XYLT1: variants seen among roughly 807,000 people sequenced by gnomAD.
XYLT1 encodes beta-D-xylosyltransferase 1.
In XYLT1, 36 loss-of-function variants were observed where a neutral mutation model predicts 91.3. The ratio of observed to expected loss-of-function variants is 0.39; its 90% confidence interval spans 0.30 to 0.52. The LOEUF (loss-of-function observed/expected upper bound fraction) is 0.52. XYLT1 is among the 20% of genes least tolerant of loss of function. XYLT1 has a pLI of 0.68. For missense variants in XYLT1, 1,242 were observed against 1,284.5 expected (o/e 0.97, Z 0.51); for synonymous variants, 588 against 532.0 (o/e 1.11, Z -1.45).
intron 3 of XYLT1, among the ~76,000 whole-genome samples, chr16:17,228,887 T>G (rs1197820857): frequency 6.6e-6 from 1 of 152,186 alleles, no homozygotes; most frequent in Non-Finnish European, 1.5e-5. Context: ...GAGAAAACTG[T>G]GACTCAGAGA....
intron 3 of XYLT1, among the ~76,000 whole-genome samples, chr16:17,232,184 ACT>A (rs1323341078): frequency 2.1e-5 from 3 of 144,082 alleles, no homozygotes; most frequent in South Asian, 4.2e-4. Flanking sequence ...TACAATATAT[ACT>A]ATATATAAAA....
chr16:17,182,846 A>G (rs1251325742), intron 5 of XYLT1, among the ~76,000 whole-genome samples: 2 of 152,172 alleles, frequency 1.3e-5, no homozygotes, highest in Non-Finnish European at 2.9e-5. Flanking sequence ...ACAGGATTAC[A>G]AAGGAATTTG....
At chr16:17,200,103 C>T (rs1394548979) in intron 4 of XYLT1, among the ~76,000 whole-genome samples, 1 of 151,964 alleles carries the variant, frequency 6.6e-6, no homozygotes, top group African/African-American at 2.4e-5. Flanking sequence ...CACCTGTAGT[C>T]CCAGCTACTT....
At chr16:17,113,958 C>G (rs1157351944) in intron 11 of XYLT1, among the ~76,000 whole-genome samples, 1 of 151,392 alleles carries the variant, frequency 6.6e-6, no homozygotes, top group Non-Finnish European at 1.5e-5. Flanking sequence ...GTGGTGCACC[C>G]CAATGCCATG....
At chr16:17,447,460 C>T (rs983526817) in intron 1 of XYLT1, among the ~76,000 whole-genome samples, 2 of 152,236 alleles carry the variant, frequency 1.3e-5, no homozygotes, top group Non-Finnish European at 2.9e-5. Context: ...ACGCTTTAAG[C>T]TCCGAAAACA....
At chr16:17,406,373 G>A (rs2036032895) in intron 1 of XYLT1, among the ~76,000 whole-genome samples, 2 of 152,168 alleles carry the variant, frequency 1.3e-5, no homozygotes, top group African/African-American at 4.8e-5. Flanking sequence ...ATAATGAACA[G>A]CTGTGTGACT....
rs1168475638 is a variant in XYLT1, at chr16:17,312,419, G to A, written c.402+45593C>T. On this transcript the variant is annotated intron_variant, in intron 2 of 11. Transcript: ENST00000261381. This position sits in a 1 kb window ranked among gnomAD's most constrained non-coding sequence, Gnocchi z 4.4. ...TTCCTGTAGCGCTTACCATGTATGGGGTCTTGTCTCAGGGCCTTACCCGCA... is the reference window on the plus strand; with the variant it reads ...TTCCTGTAGCGCTTACCATGTATGGAGTCTTGTCTCAGGGCCTTACCCGCA... Among the ~76,000 whole-genome samples, 1 of 151,986 alleles carries A rather than the reference G, an allele frequency of 6.6e-6. No homozygotes were observed. The highest frequency in any genetic ancestry group is 6.6e-5 in the Admixed American group (1 of 15,266).
At chr16:17,375,585 G>C (rs976105215) in intron 1 of XYLT1, among the ~76,000 whole-genome samples, 3 of 152,100 alleles carry the variant, frequency 2.0e-5, no homozygotes, top group African/African-American at 7.2e-5. Context: ...GCTAGTGGCT[G>C]CTGATTTACA....
chr16:17,231,543 C>T (rs1422601305), intron 3 of XYLT1, among the ~76,000 whole-genome samples: 1 of 152,176 alleles, frequency 6.6e-6, no homozygotes, highest in East Asian at 1.9e-4. Flanking sequence ...CGATGGGATA[C>T]ATTCCGAGGA....
intron 5 of XYLT1, among the ~76,000 whole-genome samples, chr16:17,171,566 G>A (rs1380629447): frequency 6.6e-6 from 1 of 152,220 alleles, no homozygotes; most frequent in Non-Finnish European, 1.5e-5. Context: ...GGGCTGATGA[G>A]AAATTTCAAA....
chr16:17,144,495 G>T (rs1204917844), intron 6 of XYLT1, among the ~76,000 whole-genome samples: 1 of 152,200 alleles, frequency 6.6e-6, no homozygotes, highest in African/African-American at 2.4e-5. Flanking sequence ...CTTGGTTGGT[G>T]GTCAGGGATG....
At chr16:17,296,062 C>T (rs187759092) in intron 2 of XYLT1, among the ~76,000 whole-genome samples, 104 of 149,560 alleles carry the variant, frequency 7.0e-4, no homozygotes, top group Non-Finnish European at 8.3e-4. Context: ...TTTCTCCCTG[C>T]GCCAAAAGCA....
chr16:17,401,650 C>T (rs893725187), intron 1 of XYLT1, among the ~76,000 whole-genome samples: 17 of 152,056 alleles, frequency 1.1e-4, no homozygotes, highest in African/African-American at 3.4e-4. Context: ...AAAATGTATG[C>T]TAAGCACTCA....
chr16:17,125,347 C>T (rs1043067309), intron 10 of XYLT1, among the ~76,000 whole-genome samples: 1 of 152,172 alleles, frequency 6.6e-6, no homozygotes, highest in African/African-American at 2.4e-5. Context: ...GTCTTGCCTC[C>T]TATCCGCCAT....
At chr16:17,128,674 TTTG>T (rs777089084) in intron 9 of XYLT1, among the ~76,000 whole-genome samples, 2 of 152,108 alleles carry the variant, frequency 1.3e-5, no homozygotes, top group Non-Finnish European at 2.9e-5. Flanking sequence ...GCAAAAGTGG[TTTG>T]TTGTTTTAAA....
intron 1 of XYLT1, among the ~76,000 whole-genome samples, chr16:17,423,976 T>C (rs1007170053): frequency 4.1e-4 from 62 of 152,204 alleles, no homozygotes; most frequent in African/African-American, 1.4e-3. Flanking sequence ...TATAGCAAAA[T>C]CCATGGGAAC....
intron 9 of XYLT1, among the ~76,000 whole-genome samples, chr16:17,130,996 G>A (rs758006468): frequency 1.3e-5 from 2 of 151,970 alleles, no homozygotes; most frequent in Non-Finnish European, 2.9e-5. Context: ...TACCCTTATT[G>A]ATCTTATATT....
At chr16:17,252,467 G>A (rs2033556817) in intron 3 of XYLT1, among the ~76,000 whole-genome samples, 1 of 152,146 alleles carries the variant, frequency 6.6e-6, no homozygotes, top group South Asian at 2.1e-4. Flanking sequence ...GCCATCACTG[G>A]GGGTGATGCA....
chr16:17,428,027 G>A (rs1251270153), intron 1 of XYLT1, among the ~76,000 whole-genome samples: 1 of 152,048 alleles, frequency 6.6e-6, no homozygotes, highest in South Asian at 2.1e-4. Flanking sequence ...GTCTCACTCT[G>A]TCGCCCAGGC....
Sources: allele counts gnomAD v4.1 joint callset (sites outside exome capture counted in the v4.1 genomes callset), GRCh38; gene constraint gnomAD v4.1.1; non-coding constraint Gnocchi (gnomAD v3.1); transcripts MANE v1.5; gene names NCBI Gene and HGNC (gene_info 2026-07-23, HGNC 2026-07-21).